Variants in ME3 observed in about 807,000 individuals in gnomAD.
The protein encoded by ME3 is NADP-dependent malic enzyme, mitochondrial.
ME3 carries 48 observed loss-of-function variants against 68.9 expected under a neutral mutation model. The observed-to-expected ratio is 0.70, with a 90% CI of 0.55 to 0.89. The LOEUF (loss-of-function observed/expected upper bound fraction) is 0.89, where lower values mean the gene tolerates loss of function less well. ME3 is among the 40% of genes least tolerant of loss of function. ME3 has a pLI of 0.00. For missense variants in ME3, 675 were observed against 797.4 expected (o/e 0.85, Z 1.85); for synonymous variants, 320 against 318.8 (o/e 1.00, Z -0.04).
At chr11:86,466,573 T>C (rs1024825644) in intron 7 of ME3, among the ~76,000 whole-genome samples, 1 of 152,198 alleles carries the variant, frequency 6.6e-6, no homozygotes, top group African/African-American at 2.4e-5. Flanking sequence ...CGGGGCATCT[T>C]TCTGATGAGG....
chr11:86,550,090 G>A (rs970025035), intron 4 of ME3, among the ~76,000 whole-genome samples: 1 of 152,158 alleles, frequency 6.6e-6, no homozygotes, highest in Non-Finnish European at 1.5e-5. Context: ...CTGAAAGCCA[G>A]AGATGCCTGG....
intron 7 of ME3, 24 bp from the exon 8 acceptor site, chr11:86,465,224 C>T: frequency 6.5e-7 from 1 of 1,542,430 alleles, no homozygotes; most frequent in Non-Finnish European, 9.0e-7. Context: ...GAGGAAGAAA[C>T]CCATGATTGC....
Position 86,622,336 on chromosome 11 carries a change from A to G in ME3, c.183+49426T>C, listed in dbSNP as rs1222861164. 2.0e-5 allele frequency among the ~76,000 whole-genome samples: 3 copies of G among 151,928 alleles called. No individual in the cohort carries two copies. In the East Asian group the frequency reaches 5.8e-4, roughly 29 times the overall value. On this transcript the variant is annotated intron_variant, in intron 2 of 14. Transcript: ENST00000543262. ...GTCATTTAAAAATGCATTACATACT[A>G]CAGACACTGCCATATCCAGTGATAT...
chr11:86,500,287 TC>T (rs1952633505), intron 5 of ME3, among the ~76,000 whole-genome samples: 1 of 152,228 alleles, frequency 6.6e-6, no homozygotes, highest in Non-Finnish European at 1.5e-5. Flanking sequence ...AATCTGCTAC[TC>T]CAGGCTGTTA....
chr11:86,579,681 A>C (rs1958323287), intron 2 of ME3, among the ~76,000 whole-genome samples: 1 of 152,090 alleles, frequency 6.6e-6, no homozygotes, highest in African/African-American at 2.4e-5. Flanking sequence ...CTCCTCCTTT[A>C]ATCTCTATCC....
chr11:86,604,938 T>C (rs1366769525), intron 2 of ME3, among the ~76,000 whole-genome samples: 2 of 152,242 alleles, frequency 1.3e-5, no homozygotes, highest in Non-Finnish European at 2.9e-5. Flanking sequence ...TCACCACCTC[T>C]ATCTAGTTCC....
chr11:86,614,006 T>C (rs1436410835), intron 2 of ME3, among the ~76,000 whole-genome samples: 1 of 152,178 alleles, frequency 6.6e-6, no homozygotes, highest in African/African-American at 2.4e-5. Context: ...AGAGCCTGTA[T>C]AGTCAAGACA....
chr11:86,637,967 TACACAC>T (rs5793205), intron 2 of ME3, among the ~76,000 whole-genome samples: 13,748 of 145,104 alleles, frequency 0.095, 1,046 homozygotes, highest in East Asian at 0.36. Context: ...TGCTCATGCA[TACACAC>T]ACACACACAC....
chr11:86,449,984 G>A lies in ME3; in HGVS notation c.1036C>T (p.His346Tyr), dbSNP rs781460810. The A allele has an allele frequency of 9.9e-6, 16 of 1,613,290 alleles. No individual in the cohort carries two copies. The highest frequency in any genetic ancestry group is 1.7e-5 in the Admixed American group (1 of 59,846). The stretch of plus-strand genomic sequence containing the variant: ...TTCTCTAGGGCCATGACAAGGAGGT[G>A]GGCAATGCCCATAGCTGCCTGGAAG... The change falls in exon 10 of 15, where the codon CAC becomes TAC. Residue 346 changes from histidine (H) to tyrosine (Y), a missense_variant. By Grantham distance (83) the His-to-Tyr change is moderately conservative (BLOSUM62 2). Coordinates refer to ENST00000543262, the Ensembl canonical transcript of ME3.
intron 4 of ME3, among the ~76,000 whole-genome samples, chr11:86,521,919 T>C (rs551115885): frequency 6.5e-4 from 99 of 152,242 alleles, no homozygotes; most frequent in African/African-American, 2.4e-3. Context: ...ATCCACAGGT[T>C]CTACATCTTG....
intron 8 of ME3, among the ~76,000 whole-genome samples, chr11:86,458,426 G>C (rs2138682196): frequency 6.6e-6 from 1 of 152,300 alleles, no homozygotes; most frequent in African/African-American, 2.4e-5. Context: ...GGAGAAGATA[G>C]GGTTAGGCCT....
At chr11:86,474,935 A>G (rs584953) in intron 7 of ME3, among the ~76,000 whole-genome samples, 53,166 of 152,158 alleles carry the variant, frequency 0.35, 9,478 homozygotes, top group African/African-American at 0.38. Flanking sequence ...GCCATATTCA[A>G]TAAAGGAATT....
Position 86,512,923 on chromosome 11 carries a change from G to A in ME3, c.468-4056C>T, listed in dbSNP as rs140972394. On this transcript the variant is annotated intron_variant, in intron 4 of 14. Coordinates refer to ENST00000543262, the Ensembl canonical transcript of ME3. ...AGGCAGGAAAAGCTCTAAAAACAGGGCACAAGTTTTTCTTTTGTAAAGGAA... is the reference window on the plus strand; with the variant it reads ...AGGCAGGAAAAGCTCTAAAAACAGGACACAAGTTTTTCTTTTGTAAAGGAA... Among the ~76,000 whole-genome samples, 1,053 of 152,282 alleles carry A rather than the reference G, an allele frequency of 6.9e-3. 12 individuals are homozygous for A. The highest frequency in any genetic ancestry group is 0.024 in the African/African-American group (1,012 of 41,576).
intron 2 of ME3, among the ~76,000 whole-genome samples, chr11:86,612,391 A>G (rs1415599495): frequency 6.6e-6 from 1 of 152,182 alleles, no homozygotes; most frequent in African/African-American, 2.4e-5. Context: ...ATGTGTCTTT[A>G]TAGGAGAATG....
chr11:86,560,882 A>G (rs941678802), intron 2 of ME3, among the ~76,000 whole-genome samples: 1 of 150,896 alleles, frequency 6.6e-6, no homozygotes, highest in African/African-American at 2.4e-5. Flanking sequence ...CAGCCTTGAC[A>G]GTTTGGAGGA....
chr11:86,544,827 A>G (rs1253413165), intron 4 of ME3, among the ~76,000 whole-genome samples: 5 of 152,226 alleles, frequency 3.3e-5, no homozygotes, highest in Non-Finnish European at 5.9e-5. Context: ...CGTCATCCTG[A>G]TACCAAAACC....
At chr11:86,493,250 G>A (rs984639476) in intron 6 of ME3, among the ~76,000 whole-genome samples, 2 of 152,174 alleles carry the variant, frequency 1.3e-5, no homozygotes, top group Non-Finnish European at 2.9e-5. Flanking sequence ...TCCCATGTTT[G>A]TTTCCCTAAC....
At chr11:86,589,168 C>G (rs778700915) in intron 2 of ME3, among the ~76,000 whole-genome samples, 7 of 152,118 alleles carry the variant, frequency 4.6e-5, no homozygotes, top group Non-Finnish European at 5.9e-5. Context: ...GGTAAACTTG[C>G]TGCCACCTGC....
intron 4 of ME3, among the ~76,000 whole-genome samples, chr11:86,548,398 ACTC>A (rs1956485299): frequency 6.6e-6 from 1 of 151,934 alleles, no homozygotes; most frequent in African/African-American, 2.4e-5. Flanking sequence ...CTTTGGAAGG[ACTC>A]CTCCTCCTTC....
Sources: allele counts gnomAD v4.1 joint callset (sites outside exome capture counted in the v4.1 genomes callset), GRCh38; gene constraint gnomAD v4.1.1; transcripts MANE v1.5; gene names NCBI Gene and HGNC (gene_info 2026-07-23, HGNC 2026-07-21).